The following CHRM2 variants were observed in gnomAD, a reference collection of about 807,000 sequenced individuals.
CHRM2 encodes muscarinic acetylcholine receptor M2.
In CHRM2, 8 loss-of-function variants were observed where a neutral mutation model predicts 25.0. That is an observed-to-expected ratio of 0.32 (90% CI 0.19 to 0.58). The LOEUF (loss-of-function observed/expected upper bound fraction) is 0.58. Among genes scored for constraint, CHRM2 ranks in the 20% least tolerant of loss-of-function variants. The pLI is 0.88. For missense variants in CHRM2, 440 were observed against 567.1 expected (o/e 0.78, Z 2.28); for synonymous variants, 202 against 205.7 (o/e 0.98, Z 0.15).
intron 2 of CHRM2, among the ~76,000 whole-genome samples, chr7:136,890,328 C>T (rs12540313): frequency 0.22 from 33,734 of 152,108 alleles, 4,900 homozygotes; most frequent in Non-Finnish European, 0.32. Context: ...AGCATTGCAC[C>T]GCTGTGTGTG....
intron 2 of CHRM2, among the ~76,000 whole-genome samples, chr7:136,906,372 T>C (rs1024467685): frequency 6.6e-6 from 1 of 151,064 alleles, no homozygotes; most frequent in African/African-American, 2.4e-5. Flanking sequence ...TATGTATGTA[T>C]TATATTTATA....
Position 136,970,705 on chromosome 7 carries a change from A to AAAT in CHRM2, c.-124-21482_-124-21481insAAT, listed in dbSNP as rs35417660. 2.1e-4 allele frequency among the ~76,000 whole-genome samples: 32 copies of AAAT among 152,004 alleles called. No homozygotes were observed. In the East Asian group the frequency reaches 3.7e-3, roughly 17 times the overall value. ...TTAAATATAATACTTCTGAAAAAAA[A>AAAT]GTTTTTCAAAATTATTTACTCTTCC... On this transcript the variant is annotated intron_variant, in intron 2 of 3. Coordinates refer to ENST00000680005, the MANE Select transcript of CHRM2 (RefSeq NM_001006630.2).
In CHRM2 at chr7:136,922,823, T is replaced by C. The variant is rs896986769; in HGVS notation, c.-125+53405T>C. On this transcript the variant is annotated intron_variant, in intron 2 of 3. Transcript: ENST00000680005. ...ATGTTGCATTGTTTTTTCTTCTTTC[T>C]TTGCATTTTTATGCTGACCTAGCCT... 3.3e-5 allele frequency among the ~76,000 whole-genome samples: 5 copies of C among 152,344 alleles called. No homozygotes were observed. The South Asian group carries it at 1.0e-3, about 32-fold the overall frequency.
chr7:136,958,316 G>A (rs1800846860), intron 2 of CHRM2, among the ~76,000 whole-genome samples: 2 of 152,114 alleles, frequency 1.3e-5, no homozygotes, highest in African/African-American at 4.8e-5. Flanking sequence ...GTTGGGCTCT[G>A]GTACTTGCAG....
At chr7:136,931,819 A>C (rs554493599) in intron 2 of CHRM2, among the ~76,000 whole-genome samples, 55 of 152,346 alleles carry the variant, frequency 3.6e-4, no homozygotes, top group Non-Finnish European at 7.2e-4. Context: ...ATACACTTTG[A>C]ATCCAGATAT....
chr7:136,928,756 T>C (rs1173700640), intron 2 of CHRM2, among the ~76,000 whole-genome samples: 3 of 152,170 alleles, frequency 2.0e-5, no homozygotes, highest in African/African-American at 4.8e-5. Flanking sequence ...GATACCTCAT[T>C]TGAATACCAA....
At chr7:137,008,282 T>C (rs992465477) in intron 3 of CHRM2, among the ~76,000 whole-genome samples, 7 of 152,124 alleles carry the variant, frequency 4.6e-5, no homozygotes, top group East Asian at 3.9e-4. Context: ...CTTCCAATGA[T>C]ACTCTGATAT....
chr7:137,009,625 C>G (rs1804673940), intron 3 of CHRM2, among the ~76,000 whole-genome samples: 1 of 152,034 alleles, frequency 6.6e-6, no homozygotes, highest in Non-Finnish European at 1.5e-5. Flanking sequence ...AGCTACATGA[C>G]ACTGTTCCTC....
chr7:136,928,353 G>A (rs1189803132), intron 2 of CHRM2, among the ~76,000 whole-genome samples: 1 of 152,146 alleles, frequency 6.6e-6, no homozygotes, highest in Admixed American at 6.6e-5. Flanking sequence ...TAAAGTAAAT[G>A]CAATATGTAA....
intron 2 of CHRM2, among the ~76,000 whole-genome samples, chr7:136,878,702 G>A (rs1190678577): frequency 6.6e-6 from 1 of 151,856 alleles, no homozygotes; most frequent in Non-Finnish European, 1.5e-5. Context: ...ACCCGATGTG[G>A]TAAATTTATT....
intron 2 of CHRM2, chr7:136,872,044 G>A (rs1166454138): frequency 6.6e-6 from 1 of 152,126 alleles, no homozygotes. Context: ...CTAAAAAGAG[G>A]TGAGAACTCC....
chr7:137,001,769 G>T (rs1804050606), intron 3 of CHRM2, among the ~76,000 whole-genome samples: 1 of 152,162 alleles, frequency 6.6e-6, no homozygotes, highest in Non-Finnish European at 1.5e-5. Context: ...ATTCTAGGAT[G>T]ACAAGGCTGT....
intron 3 of CHRM2, among the ~76,000 whole-genome samples, chr7:136,996,116 T>C (rs1803585036): frequency 6.6e-6 from 1 of 151,906 alleles, no homozygotes; most frequent in Admixed American, 6.6e-5. Context: ...ATTTTTAAAT[T>C]ATTTTTTAAA....
intron 2 of CHRM2, among the ~76,000 whole-genome samples, chr7:136,943,104 C>T (rs1289152158): frequency 6.6e-6 from 1 of 152,130 alleles, no homozygotes; most frequent in Admixed American, 6.6e-5. Flanking sequence ...TCAGGAAGCT[C>T]CCTGTTTTGC....
At chr7:136,887,410 A>T (rs10954567) in intron 2 of CHRM2, among the ~76,000 whole-genome samples, 33,661 of 151,984 alleles carry the variant, frequency 0.22, 4,875 homozygotes, top group Non-Finnish European at 0.32. Flanking sequence ...TGACTTGTCC[A>T]AGGTGACACA....
chr7:137,012,718 T>C (rs1313387331), intron 3 of CHRM2, among the ~76,000 whole-genome samples: 1 of 152,028 alleles, frequency 6.6e-6, no homozygotes, highest in South Asian at 2.1e-4. Context: ...ATTTTTTTGC[T>C]ATAACAACAT....
chr7:136,953,929 A>G (rs894079774), intron 2 of CHRM2, among the ~76,000 whole-genome samples: 53 of 152,032 alleles, frequency 3.5e-4, no homozygotes, highest in African/African-American at 1.2e-3. Flanking sequence ...GCATTAGGAC[A>G]TTTTCCTATC....
At chr7:136,961,800 G>A (rs1466568116) in intron 2 of CHRM2, among the ~76,000 whole-genome samples, 1 of 152,106 alleles carries the variant, frequency 6.6e-6, no homozygotes, top group Non-Finnish European at 1.5e-5. Context: ...AAAGGAAAGA[G>A]AAGGAAGAAA....
At chr7:136,878,668 G>A (rs983711447) in intron 2 of CHRM2, among the ~76,000 whole-genome samples, 4 of 151,808 alleles carry the variant, frequency 2.6e-5, no homozygotes, top group African/African-American at 9.7e-5. Flanking sequence ...TTCTTTACAT[G>A]TATTGTTTCT....
Sources: allele counts gnomAD v4.1 joint callset (sites outside exome capture counted in the v4.1 genomes callset), GRCh38; gene constraint gnomAD v4.1.1; transcripts MANE v1.5; gene names NCBI Gene and HGNC (gene_info 2026-07-23, HGNC 2026-07-21).